BLTP1: variants seen among roughly 807,000 people sequenced by gnomAD.
The protein encoded by BLTP1 is fragile site-associated protein.
chr4:122,207,998 G>A, the BLTP1 span: 1 of 985,122 alleles, frequency 1.0e-6, no homozygotes, highest in Non-Finnish European at 1.2e-6. Context: ...AATTCAAGGA[G>A]TAACCACAGT....
chr4:122,308,191 A>G, the BLTP1 span: 2 of 1,608,534 alleles, frequency 1.2e-6, no homozygotes, highest in Non-Finnish European at 1.7e-6. Context: ...TTCCAGGATT[A>G]AGAGCCAGGC....
At chr4:122,246,620 C>T in the BLTP1 span, 7 of 1,553,440 alleles carry the variant, frequency 4.5e-6, no homozygotes, top group Non-Finnish European at 6.1e-6. Flanking sequence ...CATTTTTGTG[C>T]ATATTTTATG....
the BLTP1 span, chr4:122,190,511 A>G: frequency 1.2e-6 from 1 of 827,100 alleles, no homozygotes; most frequent in African/African-American, 1.8e-5. Context: ...GTAAATGTAG[A>G]TAAGAGTGAA....
the BLTP1 span, among the ~76,000 whole-genome samples, chr4:122,263,795 CA>C: frequency 6.6e-6 from 1 of 152,212 alleles, no homozygotes; most frequent in South Asian, 2.1e-4. Context: ...TGTTGAAAGG[CA>C]AATATGTCAA....
the BLTP1 span, among the ~76,000 whole-genome samples, chr4:122,339,729 C>G: frequency 6.6e-6 from 1 of 151,958 alleles, no homozygotes; most frequent in Non-Finnish European, 1.5e-5. Flanking sequence ...TTTTGAATAT[C>G]TTTTATCTTA....
At chr4:122,244,274 A>G in the BLTP1 span, among the ~76,000 whole-genome samples, 2 of 152,040 alleles carry the variant, frequency 1.3e-5, no homozygotes, top group African/African-American at 4.8e-5. Flanking sequence ...GTCCCTCCAT[A>G]TCTGTTGGCT....
At chr4:122,176,295 T>C in the BLTP1 span, among the ~76,000 whole-genome samples, 2 of 151,024 alleles carry the variant, frequency 1.3e-5, no homozygotes, top group Non-Finnish European at 2.9e-5. Flanking sequence ...AGAGCGATAC[T>C]CTGTCTCAAA....
chr4:122,267,553 G>C, the BLTP1 span: 1 of 631,256 alleles, frequency 1.6e-6, no homozygotes, highest in Non-Finnish European at 2.0e-6. Flanking sequence ...TATTTACTTG[G>C]CTCTTGTAAT....
At chr4:122,169,539 GTCA>G in the BLTP1 span, 1 of 748,744 alleles carries the variant, frequency 1.3e-6, no homozygotes. Context: ...GGTTGGGTTA[GTCA>G]TATGTTACTA....
chr4:122,207,674 T>C, the BLTP1 span: 1 of 1,456,588 alleles, frequency 6.9e-7, no homozygotes, highest in Non-Finnish European at 9.6e-7. Flanking sequence ...ATTCCACAGG[T>C]GTATTAGTAA....
chr4:122,347,111 TA>T, the BLTP1 span: 1 of 983,808 alleles, frequency 1.0e-6, no homozygotes, highest in Non-Finnish European at 1.2e-6. Flanking sequence ...ATATCCAAGT[TA>T]ATCATGGTTA....
the BLTP1 span, among the ~76,000 whole-genome samples, chr4:122,163,411 C>A: frequency 6.6e-6 from 1 of 152,178 alleles, no homozygotes; most frequent in Admixed American, 6.5e-5. Flanking sequence ...GACATTAACT[C>A]TCTGGCGTTT....
the BLTP1 span, chr4:122,224,938 G>A: frequency 8.0e-7 from 1 of 1,245,858 alleles, no homozygotes; most frequent in Non-Finnish European, 1.0e-6. Context: ...ACTTTCTTTG[G>A]GAAAAATTCA....
chr4:122,171,705 G>A, the BLTP1 span: 1 of 432,990 alleles, frequency 2.3e-6, no homozygotes, highest in Non-Finnish European at 3.0e-6. Context: ...AAGGATGTGG[G>A]TAGGAATATA....
chr4:122,250,669 G>T, the BLTP1 span: 1 of 1,223,630 alleles, frequency 8.2e-7, no homozygotes, highest in Non-Finnish European at 1.2e-6. Flanking sequence ...GAGTGTATTT[G>T]CCTGTCTTTC....
the BLTP1 span, among the ~76,000 whole-genome samples, chr4:122,253,043 C>T: frequency 6.6e-6 from 1 of 152,196 alleles, no homozygotes; most frequent in South Asian, 2.1e-4. Context: ...TTATCCAAGA[C>T]CACCAAGGTG....
the BLTP1 span, chr4:122,257,177 T>G: frequency 2.2e-6 from 3 of 1,384,488 alleles, no homozygotes; most frequent in Non-Finnish European, 3.0e-6. Flanking sequence ...GAGATTTGAA[T>G]AAATACATGC....
the BLTP1 span, chr4:122,300,925 A>C: frequency 1.0e-6 from 1 of 984,796 alleles, no homozygotes; most frequent in Non-Finnish European, 1.2e-6. Flanking sequence ...AGGCAAAAAA[A>C]AAAAAAAATG....
chr4:122,288,893 G>GGGAGTGTACTAT, the BLTP1 span: 1 of 318,098 alleles, frequency 3.1e-6, no homozygotes, highest in African/African-American at 2.3e-5. Context: ...AACCCATTTT[G>GGGAGTGTACTAT]GGAGTGTACT....
Sources: allele counts gnomAD v4.1 joint callset (sites outside exome capture counted in the v4.1 genomes callset), GRCh38; gene constraint gnomAD v4.1.1; transcripts MANE v1.5; gene names NCBI Gene and HGNC (gene_info 2026-07-23, HGNC 2026-07-21).